ASTN2: variants seen among roughly 807,000 people sequenced by gnomAD.
The protein encoded by ASTN2 is astrotactin-2.
ASTN2 carries 54 observed loss-of-function variants against 139.8 expected under a neutral mutation model. The observed-to-expected ratio is 0.39, with a 90% CI of 0.31 to 0.48. The LOEUF (loss-of-function observed/expected upper bound fraction) is 0.48. Among genes scored for constraint, ASTN2 ranks in the 20% least tolerant of loss-of-function variants. The probability of loss-of-function intolerance (pLI) is 0.95; values close to 1 mark genes in which losing one functional copy is unlikely to be tolerated. For missense variants in ASTN2, 1,565 were observed against 1,725.1 expected (o/e 0.91, Z 1.64); for synonymous variants, 756 against 719.5 (o/e 1.05, Z -0.81).
At chr9:117,109,216 AG>A (rs1181395392) in intron 4 of ASTN2, among the ~76,000 whole-genome samples, 1 of 152,062 alleles carries the variant, frequency 6.6e-6, no homozygotes, top group Non-Finnish European at 1.5e-5. Context: ...TGGGAGGCAG[AG>A]GTTGCAGTGA....
chr9:117,221,052 CT>C (rs1832498784), intron 2 of ASTN2, among the ~76,000 whole-genome samples: 1 of 152,198 alleles, frequency 6.6e-6, no homozygotes, highest in Non-Finnish European at 1.5e-5. Context: ...AGGGAAGGTG[CT>C]TAATAAACAC....
At chr9:117,092,500 C>A (rs1828731036) in intron 5 of ASTN2, among the ~76,000 whole-genome samples, 1 of 152,168 alleles carries the variant, frequency 6.6e-6, no homozygotes, top group Non-Finnish European at 1.5e-5. Context: ...GACTCAACTT[C>A]CTTCTGAGTA....
At chr9:116,629,397 G>A (rs1268636096) in intron 17 of ASTN2, among the ~76,000 whole-genome samples, 3 of 152,126 alleles carry the variant, frequency 2.0e-5, no homozygotes, top group Non-Finnish European at 2.9e-5. Context: ...GATTACAGGC[G>A]TGAGCCACCG....
At chr9:117,409,308 G>T (rs116624120) in intron 1 of ASTN2, among the ~76,000 whole-genome samples, 3,923 of 152,228 alleles carry the variant, frequency 0.026, 167 homozygotes, top group African/African-American at 0.089. Context: ...ATTACCATCT[G>T]CTTTGATTCA....
chr9:116,787,206 C>T lies in ASTN2; in HGVS notation c.2396+18426G>A, dbSNP rs150753966. Among the ~76,000 whole-genome samples the T allele has an allele frequency of 2.5e-3, 385 of 152,276 alleles. 2 individuals carry two copies. The highest frequency in any genetic ancestry group is 4.5e-3 in the Non-Finnish European group (308 of 68,022). Reference sequence around the variant, plus strand: ...GGACAACTCAGTGTGAGATGGTGACCAAGATGCTCTTAAGCTTCCCATCAG... The same window carrying T: ...GGACAACTCAGTGTGAGATGGTGACTAAGATGCTCTTAAGCTTCCCATCAG... On this transcript the variant is annotated intron_variant, in intron 13 of 22. Coordinates refer to ENST00000313400, the MANE Select transcript of ASTN2 (RefSeq NM_001365068.1).
chr9:117,326,587 A>G (rs1828526203), intron 1 of ASTN2, among the ~76,000 whole-genome samples: 1 of 152,190 alleles, frequency 6.6e-6, no homozygotes, highest in African/African-American at 2.4e-5. Flanking sequence ...TTAATACACA[A>G]GGGACTAAAC....
At chr9:117,138,576 C>T (rs1035462880) in intron 4 of ASTN2, among the ~76,000 whole-genome samples, 1 of 152,144 alleles carries the variant, frequency 6.6e-6, no homozygotes, top group Non-Finnish European at 1.5e-5. Flanking sequence ...GGATTTTAAG[C>T]AGGGGAGGGG....
At position 117,334,256 on chromosome 9, in the gene ASTN2, A is replaced by T. The variant is rs934794854; in HGVS notation, c.443-42743T>A. Among the ~76,000 whole-genome samples, 33 of 152,134 alleles carry T rather than the reference A, an allele frequency of 2.2e-4. 1 individual carries two copies. The highest frequency in any genetic ancestry group is 4.1e-4 in the South Asian group (2 of 4,828). On this transcript the variant is annotated intron_variant, in intron 1 of 22. Coordinates refer to ENST00000313400, the MANE Select transcript of ASTN2 (RefSeq NM_001365068.1). ...TTTCCAGGGATAAAAGGGCTGGCAT[A>T]TGATGAGCAAAGTGGTCACTCTTTA... is the stretch of plus-strand genomic sequence containing the variant.
rs74790727 is a variant in ASTN2 at position 116,440,600 on chromosome 9, C to T, written c.3782+9G>A. The T allele has an allele frequency of 1.5e-5, 24 of 1,611,808 alleles. No individual in the cohort carries two copies. The South Asian group carries it at 1.5e-4, about 10-fold the overall frequency. On this transcript the variant is annotated intron_variant, in intron 22 of 22. Transcript: ENST00000313400. Reference sequence around the variant, plus strand: ...ATATGCCCCTCCAATCACACAAATACGCCCATACCTGGGCCCCAGCTCATC... The same window carrying T: ...ATATGCCCCTCCAATCACACAAATATGCCCATACCTGGGCCCCAGCTCATC...
At chr9:116,979,302 T>C (rs1836443712) in intron 7 of ASTN2, among the ~76,000 whole-genome samples, 1 of 152,132 alleles carries the variant, frequency 6.6e-6, no homozygotes, top group African/African-American at 2.4e-5. Flanking sequence ...CATGTCCTTT[T>C]CCTCTCATCT....
chr9:116,974,402 G>T (rs756427793), intron 10 of ASTN2, among the ~76,000 whole-genome samples: 2 of 151,876 alleles, frequency 1.3e-5, no homozygotes, highest in African/African-American at 2.4e-5. Flanking sequence ...TTAGTATGAA[G>T]TAGAGTAAGT....
At chr9:116,865,134 CAGG>C (rs1832982617) in intron 10 of ASTN2, among the ~76,000 whole-genome samples, 1 of 152,006 alleles carries the variant, frequency 6.6e-6, no homozygotes. Context: ...AAGTTACATG[CAGG>C]AGGTTTATTG....
intron 5 of ASTN2, among the ~76,000 whole-genome samples, chr9:117,063,381 G>T (rs992221628): frequency 1.3e-5 from 2 of 152,098 alleles, no homozygotes; most frequent in African/African-American, 4.8e-5. Context: ...GAATCACGGG[G>T]GTGATTTCTC....
intron 4 of ASTN2, among the ~76,000 whole-genome samples, chr9:117,127,039 TCCTACGG>T (rs1228530964): frequency 6.6e-6 from 1 of 152,196 alleles, no homozygotes; most frequent in African/African-American, 2.4e-5. Flanking sequence ...AAAGGTATCA[TCCTACGG>T]CAGGATAATT....
At chr9:117,012,476 G>A (rs1837564260) in intron 6 of ASTN2, among the ~76,000 whole-genome samples, 1 of 152,196 alleles carries the variant, frequency 6.6e-6, no homozygotes, top group African/African-American at 2.4e-5. Flanking sequence ...GTAAGAAATA[G>A]ACATAGAGAC....
chr9:116,686,508 T>C (rs1456672091), intron 16 of ASTN2, among the ~76,000 whole-genome samples: 2 of 152,082 alleles, frequency 1.3e-5, no homozygotes, highest in African/African-American at 2.4e-5. Flanking sequence ...CCTTGGAGAG[T>C]AGGTGATTGG....
intron 14 of ASTN2, 80 bp from the exon 15 acceptor site, chr9:116,729,176 C>T (rs1828712322): frequency 7.2e-6 from 8 of 1,104,720 alleles, no homozygotes; most frequent in Non-Finnish European, 6.5e-6. Flanking sequence ...CAGCTCTTGG[C>T]TCTGGGAAAC....
intron 5 of ASTN2, among the ~76,000 whole-genome samples, chr9:117,046,602 T>C (rs946563347): frequency 1.1e-4 from 17 of 152,198 alleles, no homozygotes; most frequent in African/African-American, 3.6e-4. Context: ...CAGCAGGATA[T>C]GTGATACTGT....
chr9:117,099,103 T>C (rs1828909465), intron 4 of ASTN2, among the ~76,000 whole-genome samples: 1 of 118,028 alleles, frequency 8.5e-6, no homozygotes, highest in Non-Finnish European at 1.7e-5. Context: ...CGAGACTCCG[T>C]CTCCAAAAAA....
Sources: allele counts gnomAD v4.1 joint callset (sites outside exome capture counted in the v4.1 genomes callset), GRCh38; gene constraint gnomAD v4.1.1; transcripts MANE v1.5; gene names NCBI Gene and HGNC (gene_info 2026-07-23, HGNC 2026-07-21).